Variants in RTP1 observed in about 807,000 individuals in gnomAD.
RTP1 encodes receptor transporter protein 1, also known as receptor-transporting protein 1.
A neutral mutation model predicts 27.1 loss-of-function variants in RTP1; 24 were observed. The ratio of observed to expected loss-of-function variants is 0.89; its 90% CI spans 0.64 to 1.25. The LOEUF is 1.25. Ranked by LOEUF, RTP1 falls within the 50% of genes most tolerant of loss-of-function variation. The pLI, the probability that RTP1 is intolerant of heterozygous loss-of-function variation, is 0.00. For missense variants in RTP1, 338 were observed against 351.6 expected, an observed-to-expected ratio of 0.96 and a Z score of 0.31; for synonymous variants, 148 against 148.1, an observed-to-expected ratio of 1.00 and a Z score of 0.00.
rs1560217364 is a variant in RTP1 at position 187,199,643 on chromosome 3, C to T, written c.365C>T (p.Ser122Leu). Residue 122 changes from serine (S) to leucine (L), a missense_variant, in exon 2 of 2, where the codon TCG (serine) becomes TTG (leucine). Ser to Leu is a moderately radical substitution (Grantham distance 145). Coordinates refer to ENST00000312295, the MANE Select transcript of RTP1 (RefSeq NM_153708.3). Reference protein sequence around the residue: ...MFLDRAQRAGSVRMRVFKQLC... With the variant: ...MFLDRAQRAGLVRMRVFKQLC... Reference sequence around the variant, plus strand: ...CTGGACCGCGCCCAGCGGGCGGGCTCGGTGCGCATGCGCGTCTTCAAGCAG... The same window carrying T: ...CTGGACCGCGCCCAGCGGGCGGGCTTGGTGCGCATGCGCGTCTTCAAGCAG... 3 of 1,609,334 alleles carry T rather than the reference C, an allele frequency of 1.9e-6. No homozygotes were observed. Among genetic ancestry groups the T allele is most frequent in the Admixed American group, 1.7e-5 (1 of 59,936 alleles).
At position 187,199,672 on chromosome 3, in the gene RTP1, T is replaced by G. The variant is rs1220501211; in HGVS notation, c.394T>G (p.Cys132Gly). Residue 132 changes from cysteine to glycine, a missense_variant, in exon 2 of 2, where the codon TGC becomes GGC. By Grantham distance (159) the Cys-to-Gly change is radical. Around this residue, in one of 3 missense-constraint regions of RTP1, gnomAD observed 252 missense variants for 231.5 expected, o/e 1.09. Coordinates refer to ENST00000312295, the MANE Select transcript of RTP1 (RefSeq NM_153708.3). ...SVRMRVFKQLCYECGTARLDE... is the reference protein window; with the variant it reads ...SVRMRVFKQLGYECGTARLDE... ...GCGCATGCGCGTCTTCAAGCAGCTGTGCTATGAGTGCGGCACGGCGCGGCT... is the reference window on the plus strand; with the variant it reads ...GCGCATGCGCGTCTTCAAGCAGCTGGGCTATGAGTGCGGCACGGCGCGGCT... 2 of 1,611,270 alleles carry G rather than the reference T, an allele frequency of 1.2e-6. No homozygotes were observed. Among genetic ancestry groups the G allele is most frequent in the Non-Finnish European group, 1.7e-6 (2 of 1,177,868 alleles).
chr3:187,199,641 C>T lies in RTP1; in HGVS notation c.363C>T (p.Gly121=). ...TCCTGGACCGCGCCCAGCGGGCGGG[C>T]TCGGTGCGCATGCGCGTCTTCAAGC... ...HMFLDRAQRA[G]SVRMRVFKQL... is the part of the protein sequence containing the mutation. The change falls in exon 2 of 2, where the codon GGC becomes GGT. Residue 121 remains glycine, a synonymous_variant. Transcript: ENST00000312295. The T allele has an allele frequency of 1.2e-6, 2 of 1,609,392 alleles. No homozygotes were observed. The highest frequency in any genetic ancestry group is 4.5e-5 in the East Asian group (2 of 44,666).
chr3:187,200,400 C>G lies in RTP1; in HGVS notation c.*330C>G. 5.0e-6 allele frequency: 1 copy of G among 199,250 alleles called. No homozygotes were observed. The allele number at this position is 199,250 out of a possible 1,614,324, so 12.3% of individuals were successfully genotyped here. On this transcript the variant is annotated 3_prime_UTR_variant, in exon 2 of 2. Coordinates refer to ENST00000312295, the MANE Select transcript of RTP1 (RefSeq NM_153708.3). ...CAACTCCTACCTCCTCCTCTTGCTT[C>G]GATCAGAACAGCTTTACTTTAGATA...
Position 187,201,458 on chromosome 3 carries a change from T to C in RTP1, c.*1388T>C, listed in dbSNP as rs1479209966. ...GACACTTTAATAAAGACAGGATATC[T>C]TCCATAAGGCTTAGTAGTCATTAAT... is the stretch of plus-strand genomic sequence containing the variant. On this transcript the variant is annotated 3_prime_UTR_variant, in exon 2 of 2. Coordinates refer to ENST00000312295, the MANE Select transcript of RTP1 (RefSeq NM_153708.3). The C allele has an allele frequency of 6.6e-6, 1 of 152,190 alleles. No homozygotes were observed. Among genetic ancestry groups the C allele is most frequent in the Non-Finnish European group, 1.5e-5 (1 of 68,042 alleles). 9.4% of individuals were successfully genotyped at this position (152,190 alleles called of 1,614,324 possible). A position where few individuals can be genotyped will look rare whatever the true frequency, so the allele number is the denominator to read the frequency against.
rs1371786300 is a variant in RTP1, at chr3:187,199,683, C to A, written c.405C>A (p.Cys135Ter). ...TCTTCAAGCAGCTGTGCTATGAGTG[C>A]GGCACGGCGCGGCTGGACGAGTCCA... ...MRVFKQLCYE[C>*]GTARLDESSM... is the part of the protein sequence containing the mutation. Residue 135 changes from cysteine (C) to a stop codon, truncating the protein, a stop_gained, in exon 2 of 2, where the codon TGC (cysteine) becomes TGA (stop). Transcript: ENST00000312295. LOFTEE classifies it high-confidence loss of function. 1.2e-6 allele frequency: 2 copies of A among 1,612,300 alleles called. No homozygotes were observed. Among genetic ancestry groups the A allele is most frequent in the East Asian group, 2.2e-5 (1 of 44,780 alleles).
chr3:187,197,585 C>T lies in RTP1; in HGVS notation c.70C>T (p.Leu24=). ...CCTACCCTCACTCTCCGTGTTCTCA[C>T]TAAGGTGGAAATTGCCTTCCCTCAC... ...LHLPSLSVFS[L]RWKLPSLTTD... Residue 24 remains leucine, a synonymous_variant, in exon 1 of 2, where the codon CTA becomes TTA. Coordinates refer to ENST00000312295, the MANE Select transcript of RTP1 (RefSeq NM_153708.3). 1 of 1,614,190 alleles carries T rather than the reference C, an allele frequency of 6.2e-7. No individual in the cohort carries two copies. The highest frequency in any genetic ancestry group is 1.6e-4 in the Middle Eastern group (1 of 6,062).
intron 1 of RTP1, chr3:187,198,618 A>T (rs1721644340): frequency 6.6e-6 from 1 of 152,168 alleles, no homozygotes; most frequent in South Asian, 2.1e-4. Context: ...AATTCACTTC[A>T]ATTCAGGAAA....
intron 1 of RTP1, chr3:187,198,015 G>C: frequency 1.9e-6 from 1 of 522,830 alleles, no homozygotes; most frequent in Non-Finnish European, 3.4e-6. Context: ...TCCTCTCTGA[G>C]TCACAATTTT....
chr3:187,199,111 A>C, intron 1 of RTP1: 1 of 158,298 alleles, frequency 6.3e-6, no homozygotes, highest in Admixed American at 6.2e-5. Context: ...GTTGATAGCT[A>C]GTAATGGTGT....
rs949431363 is a variant in RTP1, at chr3:187,201,189, T to C, written c.*1119T>C. On this transcript the variant is annotated 3_prime_UTR_variant, in exon 2 of 2. Coordinates refer to ENST00000312295, the MANE Select transcript of RTP1 (RefSeq NM_153708.3). ...GTAAAATGCTTTGTCCATGGGGAAG[T>C]GCACAGATATGTGGGAGAACCTTAC... 4 of 152,164 alleles carry C rather than the reference T, an allele frequency of 2.6e-5. No individual in the cohort carries two copies. The highest frequency in any genetic ancestry group is 4.4e-5 in the Non-Finnish European group (3 of 68,032). The allele number at this position is 152,164 out of a possible 1,614,324, so 9.4% of individuals were successfully genotyped here.
chr3:187,200,023 C>T lies in RTP1; in HGVS notation c.745C>T (p.Leu249=), dbSNP rs746108028. The T allele has an allele frequency of 2.0e-6, 3 of 1,525,046 alleles. No homozygotes were observed. Among genetic ancestry groups the T allele is most frequent in the Non-Finnish European group, 2.6e-6 (3 of 1,135,432 alleles). 94.5% of individuals were successfully genotyped at this position (1,525,046 alleles called of 1,614,324 possible). A position where few individuals can be genotyped will look rare whatever the true frequency, so the allele number is the denominator to read the frequency against. Residue 249 remains leucine, a synonymous_variant, in exon 2 of 2, where the codon CTG becomes TTG. Coordinates refer to ENST00000312295, the MANE Select transcript of RTP1 (RefSeq NM_153708.3). Reference sequence around the variant, plus strand: ...CTGGTGCTTGTTTTGGGCCACGGTCCTGCTGCTGATCATCTACCTGCAGTT... The same window carrying T: ...CTGGTGCTTGTTTTGGGCCACGGTCTTGCTGCTGATCATCTACCTGCAGTT... ...IPWCLFWATV[L]LLIIYLQFSF... is the part of the protein sequence containing the mutation.
rs1721679664 is a variant in RTP1, at chr3:187,199,818, C to T, written c.540C>T (p.Arg180=). 1.9e-6 allele frequency: 3 copies of T among 1,608,802 alleles called. No homozygotes were observed. Among genetic ancestry groups the T allele is most frequent in the African/African-American group, 1.3e-5 (1 of 74,792 alleles). ...AGTACCGCATCCACGTGGCCAGCCG[C>T]CAGGACAACCGGCGGCACCGCGGAG... ...GGQYRIHVAS[R]QDNRRHRGEF... The change falls in exon 2 of 2, where the codon CGC becomes CGT. Residue 180 remains arginine, a synonymous_variant. Coordinates refer to ENST00000312295, the MANE Select transcript of RTP1 (RefSeq NM_153708.3).
chr3:187,200,934 G>A lies in RTP1; in HGVS notation c.*864G>A, dbSNP rs12629925. 1 of 152,220 alleles carries A rather than the reference G, an allele frequency of 6.6e-6. No homozygotes were observed. Among genetic ancestry groups the A allele is most frequent in the Non-Finnish European group, 1.5e-5 (1 of 68,064 alleles). The allele number at this position is 152,220 out of a possible 1,614,324, so 9.4% of individuals were successfully genotyped here. On this transcript the variant is annotated 3_prime_UTR_variant, in exon 2 of 2. Coordinates refer to ENST00000312295, the MANE Select transcript of RTP1 (RefSeq NM_153708.3). ...AAGCAAAGCACAAAATCTCTGGGAG[G>A]CATTATAATGGAGGGTCTTCAGAGT...
At chr3:187,199,410 C>A in intron 1 of RTP1, 141 bp from the exon 2 acceptor site, 2 of 892,288 alleles carry the variant, frequency 2.2e-6, no homozygotes, top group Non-Finnish European at 3.4e-6. Flanking sequence ...CTGGGGAAAG[C>A]TAATGAACCC....
rs764280926 is a variant in RTP1 at position 187,199,744 on chromosome 3, A to G, written c.466A>G (p.Asn156Asp). 10 of 1,613,448 alleles carry G rather than the reference A, an allele frequency of 6.2e-6. No homozygotes were observed. In the South Asian group the frequency reaches 8.8e-5, roughly 14 times the overall value. ...GGAGAACATCGAGGGCCTGGTGGAC[A>G]ACCTCATCACCAGCCTGCGCGAGCA... ...LEENIEGLVD[N>D]LITSLREQCY... Residue 156 changes from asparagine (N) to aspartate (D), a missense_variant, in exon 2 of 2, where the codon AAC (asparagine) becomes GAC (aspartate). By Grantham distance (23) the Asn-to-Asp change is conservative. Coordinates refer to ENST00000312295, the MANE Select transcript of RTP1 (RefSeq NM_153708.3).
Position 187,199,726 on chromosome 3 carries a change from A to T in RTP1, c.448A>T (p.Ile150Phe). The change falls in exon 2 of 2, where the codon ATC (isoleucine) becomes TTC (phenylalanine). Residue 150 changes from isoleucine (I) to phenylalanine (F), a missense_variant. Physicochemically the swap from Ile to Phe is conservative, Grantham distance 21. Transcript: ENST00000312295. Reference sequence around the variant, plus strand: ...CGAGTCCAGCATGCTGGAGGAGAACATCGAGGGCCTGGTGGACAACCTCAT... The same window carrying T: ...CGAGTCCAGCATGCTGGAGGAGAACTTCGAGGGCCTGGTGGACAACCTCAT... ...LDESSMLEEN[I>F]EGLVDNLITS... 2.5e-6 allele frequency: 4 copies of T among 1,613,416 alleles called. No homozygotes were observed. The highest frequency in any genetic ancestry group is 3.4e-6 in the Non-Finnish European group (4 of 1,179,574).
chr3:187,200,138 G>A lies in RTP1; in HGVS notation c.*68G>A. The A allele has an allele frequency of 2.1e-6, 3 of 1,409,948 alleles. No individual in the cohort carries two copies. The highest frequency in any genetic ancestry group is 2.3e-5 in the East Asian group (1 of 43,124). The allele number at this position is 1,409,948 out of a possible 1,614,324, so 87.3% of individuals were successfully genotyped here. A position where few individuals can be genotyped will look rare whatever the true frequency, so the allele number is the denominator to read the frequency against. On this transcript the variant is annotated 3_prime_UTR_variant, in exon 2 of 2. Coordinates refer to ENST00000312295, the MANE Select transcript of RTP1 (RefSeq NM_153708.3). ...GCTGATGCGAGGGTAGAGGAGAGACGTGGGTTGAGAATAGTGTAAACTTCT... is the reference window on the plus strand; with the variant it reads ...GCTGATGCGAGGGTAGAGGAGAGACATGGGTTGAGAATAGTGTAAACTTCT...
Position 187,199,694 on chromosome 3 carries a change from GGCTGGACGAGTCCAGCAT to G in RTP1, c.423_440del (p.Asp141_Leu146del). 6.2e-7 allele frequency: 1 copy of G among 1,612,140 alleles called. No individual in the cohort carries two copies. ...CTGTGCTATGAGTGCGGCACGGCGC[GGCTGGACGAGTCCAGCAT>G]GCTGGAGGAGAACATCGAGGGCCTG... On this transcript the variant is annotated inframe_deletion, in exon 2 of 2. Transcript: ENST00000312295.
In RTP1 at chr3:187,199,202, A is replaced by G. The variant is rs1481517545; in HGVS notation, c.273-349A>G. ...TGTGCAGATGGATTATGTGTTTCTT[A>G]TCTGGTGTGAGAAGGAAGGACTCAC... On this transcript the variant is annotated intron_variant, in intron 1 of 1. Coordinates refer to ENST00000312295, the MANE Select transcript of RTP1 (RefSeq NM_153708.3). The G allele has an allele frequency of 2.9e-5, 8 of 278,604 alleles. No individual in the cohort carries two copies. The Admixed American group carries it at 3.3e-4, about 11-fold the overall frequency. The allele number at this position is 278,604 out of a possible 1,614,324, so 17.3% of individuals were successfully genotyped here.
Sources: allele counts gnomAD v4.1 joint callset, GRCh38; gene constraint gnomAD v4.1.1; regional missense constraint gnomAD v4.1.1; transcripts MANE v1.5; gene names NCBI Gene and HGNC (gene_info 2026-07-23, HGNC 2026-07-21).